The following KALRN variants were observed in gnomAD, a reference collection of about 807,000 sequenced individuals.
The protein encoded by KALRN is kalirin RhoGEF kinase.
KALRN carries 70 observed loss-of-function variants against 353.7 expected under a neutral mutation model. That is an observed-to-expected ratio of 0.20 (90% CI 0.16 to 0.24). The LOEUF (loss-of-function observed/expected upper bound fraction) is 0.24, where lower values mean the gene tolerates loss of function less well. Ranked by LOEUF, KALRN falls within the 10% of genes least tolerant of loss-of-function variation. The pLI is 1.00. For missense variants in KALRN, 2,791 were observed against 3,756.7 expected, an observed-to-expected ratio of 0.74 and a Z score of 6.72; for synonymous variants, 1,391 against 1,434.8, an observed-to-expected ratio of 0.97 and a Z score of 0.69.
intron 33 of KALRN, among the ~76,000 whole-genome samples, chr3:124,529,144 T>G (rs1424496934): frequency 1.3e-5 from 2 of 152,134 alleles, no homozygotes; most frequent in Non-Finnish European, 2.9e-5. Context: ...TCCATGAGGG[T>G]AGGGATTCTT....
chr3:124,036,354 A>G (rs768191717), intron 1 of KALRN, among the ~76,000 whole-genome samples: 3 of 151,894 alleles, frequency 2.0e-5, no homozygotes, highest in African/African-American at 4.8e-5. Flanking sequence ...GCTTAAGATA[A>G]CAGCCTCCAC....
rs570903374 is a variant in KALRN at position 124,513,450 on chromosome 3, C to G, written c.4935+17037C>G. ...CAGGTCAGGAGGACACAGAGAGCGCCCACTAGGGAAAGCGTTTGCCACTGT... is the reference window on the plus strand; with the variant it reads ...CAGGTCAGGAGGACACAGAGAGCGCGCACTAGGGAAAGCGTTTGCCACTGT... On this transcript the variant is annotated intron_variant, in intron 33 of 59. Transcript: ENST00000682506. Among the ~76,000 whole-genome samples, 7 of 152,168 alleles carry G rather than the reference C, an allele frequency of 4.6e-5. No individual in the cohort carries two copies. In the East Asian group the frequency reaches 1.4e-3, roughly 29 times the overall value.
Position 124,101,036 on chromosome 3 carries a change from T to C in KALRN, c.73+67223T>C, listed in dbSNP as rs555250985. On this transcript the variant is annotated intron_variant, in intron 1 of 59. Transcript: ENST00000682506. Reference sequence around the variant, plus strand: ...AGTCACTACATGGGAATAGTAAACATAGGAGAACACATAGAACATTGCTAA... The same window carrying C: ...AGTCACTACATGGGAATAGTAAACACAGGAGAACACATAGAACATTGCTAA... Among the ~76,000 whole-genome samples, 4 of 152,302 alleles carry C rather than the reference T, an allele frequency of 2.6e-5. No individual in the cohort carries two copies. In the South Asian group the frequency reaches 8.3e-4, roughly 32 times the overall value.
At chr3:124,086,989 C>A (rs1437276478) in intron 1 of KALRN, among the ~76,000 whole-genome samples, 1 of 152,198 alleles carries the variant, frequency 6.6e-6, no homozygotes, top group Non-Finnish European at 1.5e-5. Flanking sequence ...AAAGCCTCAT[C>A]ATTCTTTATT....
intron 13 of KALRN, among the ~76,000 whole-genome samples, chr3:124,399,950 G>GT (rs2090648723): frequency 6.6e-6 from 1 of 152,136 alleles, no homozygotes; most frequent in South Asian, 2.1e-4. Context: ...ATAGCAAAGG[G>GT]TTAAATTAAA....
intron 1 of KALRN, among the ~76,000 whole-genome samples, chr3:124,223,119 T>C (rs946681539): frequency 2.0e-5 from 3 of 151,594 alleles, no homozygotes; most frequent in Non-Finnish European, 2.9e-5. Flanking sequence ...CAGTTAATTG[T>C]CCTATTTGGA....
At chr3:124,696,897 C>T (rs1216122281) in intron 54 of KALRN, among the ~76,000 whole-genome samples, 1 of 152,174 alleles carries the variant, frequency 6.6e-6, no homozygotes, top group Non-Finnish European at 1.5e-5. Flanking sequence ...GCTCTACTTT[C>T]TGTCTCTATC....
intron 1 of KALRN, among the ~76,000 whole-genome samples, chr3:124,106,396 A>G (rs918755338): frequency 2.0e-5 from 3 of 152,124 alleles, no homozygotes; most frequent in Non-Finnish European, 4.4e-5. Flanking sequence ...TGACCCTGTG[A>G]TGTTGTGGGA....
intron 5 of KALRN, among the ~76,000 whole-genome samples, chr3:124,276,953 GCATGCACACACACATGTGTGCACA>G (rs775529626): frequency 1.1e-4 from 16 of 152,290 alleles, no homozygotes; most frequent in Non-Finnish European, 1.8e-4. Context: ...ACACATGTGC[GCATGCACACACACATGTGTGCACA>G]CGTGCACACA....
chr3:124,673,018 A>G (rs554040096), intron 48 of KALRN, among the ~76,000 whole-genome samples: 18 of 152,310 alleles, frequency 1.2e-4, no homozygotes, highest in Non-Finnish European at 2.4e-4. Context: ...CCGTCACATC[A>G]CCTGGAAATG....
intron 21 of KALRN, among the ~76,000 whole-genome samples, chr3:124,449,045 T>C (rs1415484309): frequency 6.6e-6 from 1 of 152,230 alleles, no homozygotes; most frequent in African/African-American, 2.4e-5. Context: ...ACAAACCCAG[T>C]TGAGGAGCTT....
At chr3:124,200,023 T>C (rs1259807340) in intron 1 of KALRN, among the ~76,000 whole-genome samples, 1 of 152,222 alleles carries the variant, frequency 6.6e-6, no homozygotes, top group Non-Finnish European at 1.5e-5. Context: ...CTCTTCTGCA[T>C]ATGTCTAAAT....
chr3:124,707,487 T>C lies in KALRN; in HGVS notation c.8075+5371T>C, dbSNP rs190427447. 1.8e-3 allele frequency among the ~76,000 whole-genome samples: 274 copies of C among 151,290 alleles called. 3 individuals carry two copies. Among genetic ancestry groups the C allele is most frequent in the African/African-American group, 6.6e-3 (273 of 41,114 alleles). On this transcript the variant is annotated intron_variant, in intron 57 of 59. Coordinates refer to ENST00000682506, the MANE Select transcript of KALRN (RefSeq NM_001388419.1). ...CCTCCTTCCTTCCCTTCTTCCTTCC[T>C]ACCTTTTTTCTTCTTTCCTCTTTTC...
intron 53 of KALRN, 49 bp downstream of exon 53, chr3:124,694,552 A>C (rs1420236571): frequency 6.4e-7 from 1 of 1,558,424 alleles, no homozygotes. Context: ...TGCTTGACAC[A>C]GCACTGAGAG....
At chr3:124,614,085 ATC>A (rs1302486689) in intron 34 of KALRN, among the ~76,000 whole-genome samples, 3 of 152,176 alleles carry the variant, frequency 2.0e-5, no homozygotes, top group Non-Finnish European at 4.4e-5. Context: ...TCACTTGGGA[ATC>A]TCTGTTTCAC....
chr3:124,398,517 G>A (rs1442772469), intron 12 of KALRN, among the ~76,000 whole-genome samples, 180 bp from the exon 13 acceptor site: 2 of 152,100 alleles, frequency 1.3e-5, no homozygotes, highest in Non-Finnish European at 2.9e-5. Context: ...ATGTAGCTTT[G>A]GTTCACTCAT....
chr3:124,171,339 C>A (rs764490679), intron 1 of KALRN, among the ~76,000 whole-genome samples: 13 of 152,200 alleles, frequency 8.5e-5, no homozygotes, highest in Non-Finnish European at 1.5e-4. Context: ...GCTGGATGGT[C>A]TAAGATGGCT....
chr3:124,469,244 G>T (rs908661793), intron 25 of KALRN, among the ~76,000 whole-genome samples: 1 of 152,204 alleles, frequency 6.6e-6, no homozygotes, highest in African/African-American at 2.4e-5. Flanking sequence ...GTGGTTGGAG[G>T]CTGAGAGTGT....
At chr3:124,457,339 G>C (rs141035696) in intron 23 of KALRN, among the ~76,000 whole-genome samples, 40 of 151,036 alleles carry the variant, frequency 2.6e-4, no homozygotes, top group African/African-American at 9.5e-4. Flanking sequence ...CAAAGTGCTG[G>C]GATTATAGGC....
Sources: gnomAD v4.1 joint callset for allele counts (sites outside exome capture counted in the v4.1 genomes callset) on GRCh38, gnomAD v4.1.1 for gene constraint, MANE v1.5 for transcripts, NCBI Gene and HGNC (gene_info 2026-07-23, HGNC 2026-07-21) for gene names.